The following TNS3 variants were observed in gnomAD, a reference collection of about 807,000 sequenced individuals.
The protein encoded by TNS3 is tensin 3.
Under a neutral mutation model 140.9 loss-of-function variants are expected in TNS3, and 45 were observed. The observed-to-expected ratio is 0.32, with a 90% confidence interval of 0.25 to 0.41. The LOEUF is 0.41. Among genes scored for constraint, TNS3 ranks in the 10% least tolerant of loss-of-function variants. The pLI is 1.00. For missense variants in TNS3, 1,716 were observed against 1,906.7 expected, an observed-to-expected ratio of 0.90 and a Z score of 1.86; for synonymous variants, 815 against 788.4, an observed-to-expected ratio of 1.03 and a Z score of -0.56.
In TNS3 at chr7:47,277,871, G is replaced by T; in HGVS notation, c.*205C>A. The T allele has an allele frequency of 1.5e-6, 1 of 689,036 alleles. No homozygotes were observed. The highest frequency in any genetic ancestry group is 2.6e-6 in the Non-Finnish European group (1 of 385,290). The allele number at this position is 689,036 out of a possible 1,614,324, so 42.7% of individuals were successfully genotyped here. On this transcript the variant is annotated 3_prime_UTR_variant, in exon 31 of 31. Coordinates refer to ENST00000311160, the MANE Select transcript of TNS3 (RefSeq NM_022748.12). ...AAAAAGCATGTGGCTACAGAGATGT[G>T]TCAGATAAGTCACTTTCAGGAAAGG...
intron 13 of TNS3, 72 bp downstream of exon 13, chr7:47,411,655 A>G: frequency 4.1e-6 from 6 of 1,473,926 alleles, no homozygotes; most frequent in Non-Finnish European, 5.6e-6. Context: ...TTAACACAGA[A>G]TCATGATTTC....
intron 1 of TNS3, among the ~76,000 whole-genome samples, chr7:47,577,588 A>G (rs1330724748): frequency 1.3e-5 from 2 of 152,210 alleles, no homozygotes; most frequent in African/African-American, 2.4e-5. Flanking sequence ...TCCAAGGCTC[A>G]GTATCCTCAC....
chr7:47,282,084 G>A (rs549883446), intron 28 of TNS3, among the ~76,000 whole-genome samples: 16 of 151,724 alleles, frequency 1.1e-4, no homozygotes, highest in East Asian at 1.9e-4. Flanking sequence ...ATGTAGCTCC[G>A]CTATGCCCCT....
At chr7:47,562,120 T>G (rs1800329041) in intron 1 of TNS3, among the ~76,000 whole-genome samples, 1 of 152,146 alleles carries the variant, frequency 6.6e-6, no homozygotes, top group Non-Finnish European at 1.5e-5. Context: ...TCCATTGCAG[T>G]AATGATGGCA....
chr7:47,569,369 C>G (rs577169039), intron 1 of TNS3, among the ~76,000 whole-genome samples: 1 of 151,272 alleles, frequency 6.6e-6, no homozygotes, highest in Non-Finnish European at 1.5e-5. Context: ...ATGATGAAAC[C>G]CCGTCTCTAC....
In TNS3 at chr7:47,302,998, C is replaced by A; in HGVS notation, c.3409G>T (p.Val1137Phe). ...GAAGCCTTGGAAAAGTCGGGAAGGA[C>A]ATTTGGGAAGGGGATACTGATGGTG... ...GSTISIPFPN[V>F]LPDFSKASEA... is the part of the protein sequence containing the mutation. The change falls in exon 22 of 31, where the codon GTC becomes TTC. Residue 1137 changes from valine (V) to phenylalanine (F), a missense_variant. Around this residue, in one of 3 missense-constraint regions of TNS3, gnomAD observed 1,163 missense variants for 1,182.1 expected, o/e 0.98. Transcript: ENST00000311160. 1 of 1,613,294 alleles carries A rather than the reference C, an allele frequency of 6.2e-7. No individual in the cohort carries two copies. Among genetic ancestry groups the A allele is most frequent in the Non-Finnish European group, 8.5e-7 (1 of 1,179,364 alleles).
intron 12 of TNS3, 81 bp from the exon 13 acceptor site, chr7:47,411,883 A>T: frequency 7.8e-7 from 1 of 1,285,332 alleles, no homozygotes; most frequent in Non-Finnish European, 1.1e-6. Context: ...AAGCAACCCT[A>T]CAACCCAAAA....
At chr7:47,365,404 C>T (rs1790632355) in intron 17 of TNS3, among the ~76,000 whole-genome samples, 1 of 150,348 alleles carries the variant, frequency 6.7e-6, no homozygotes, top group Non-Finnish European at 1.5e-5. Context: ...AAGATTGTGC[C>T]ACTGCACTCC....
chr7:47,310,342 C>T (rs13437785), intron 20 of TNS3, among the ~76,000 whole-genome samples: 44,448 of 151,938 alleles, frequency 0.29, 6,864 homozygotes, highest in South Asian at 0.34. Context: ...GTTCAAGATG[C>T]ACCTAGGAAG....
chr7:47,321,204 GTTT>G (rs1307713583), intron 20 of TNS3, among the ~76,000 whole-genome samples: 2 of 152,328 alleles, frequency 1.3e-5, no homozygotes, highest in East Asian at 3.9e-4. Flanking sequence ...CTCTCTTTGT[GTTT>G]TTGTTTCACT....
chr7:47,510,611 C>T (rs1020196247), intron 2 of TNS3, among the ~76,000 whole-genome samples: 9 of 152,128 alleles, frequency 5.9e-5, no homozygotes, highest in East Asian at 1.9e-4. Flanking sequence ...CGGTGGCTCA[C>T]GCCTGTAATC....
intron 23 of TNS3, among the ~76,000 whole-genome samples, chr7:47,298,465 A>G (rs1786183278): frequency 6.6e-6 from 1 of 152,240 alleles, no homozygotes; most frequent in South Asian, 2.1e-4. Flanking sequence ...TACTGCCCAG[A>G]CAAGCCAGAG....
chr7:47,422,841 T>C (rs1224252840), intron 10 of TNS3, among the ~76,000 whole-genome samples: 1 of 151,094 alleles, frequency 6.6e-6, no homozygotes, highest in Non-Finnish European at 1.5e-5. Context: ...TTGGAAACTG[T>C]TCAACAAAGA....
chr7:47,310,878 G>A (rs1584372699), intron 20 of TNS3, among the ~76,000 whole-genome samples: 1 of 152,162 alleles, frequency 6.6e-6, no homozygotes, highest in African/African-American at 2.4e-5. Context: ...CTTCATCCAT[G>A]TCCCTACAAA....
At chr7:47,324,790 A>T (rs781745856) in intron 20 of TNS3, among the ~76,000 whole-genome samples, 8 of 152,224 alleles carry the variant, frequency 5.3e-5, no homozygotes, top group Non-Finnish European at 8.8e-5. Context: ...CTCTTAATAA[A>T]AACTTTGAAA....
chr7:47,475,123 CACAA>C lies in TNS3; in HGVS notation c.-76+5976_-76+5979del, dbSNP rs1418430913. Among the ~76,000 whole-genome samples, 4 of 152,102 alleles carry C rather than the reference CACAA, an allele frequency of 2.6e-5. No individual in the cohort carries two copies. The South Asian group carries it at 8.3e-4, about 32-fold the overall frequency. On this transcript the variant is annotated intron_variant, in intron 4 of 30. Transcript: ENST00000311160. ...ACAACACACAAACACAACATACACACACAAAACACCTCACACACACCACAGACCA... is the reference window on the plus strand; with the variant it reads ...ACAACACACAAACACAACATACACACAACACCTCACACACACCACAGACCA...
intron 16 of TNS3, 85 bp from the exon 17 acceptor site, chr7:47,369,706 TA>T: frequency 7.2e-7 from 1 of 1,395,368 alleles, no homozygotes; most frequent in Non-Finnish European, 9.6e-7. Context: ...TGCATCTGTC[TA>T]AACAAATAAA....
chr7:47,402,045 G>A (rs187760741), intron 13 of TNS3, among the ~76,000 whole-genome samples: 10 of 152,270 alleles, frequency 6.6e-5, no homozygotes, highest in Non-Finnish European at 2.9e-5. Context: ...AGAAGCCACC[G>A]CAGCAGGTAT....
At position 47,428,367 on chromosome 7, in the gene TNS3, CT is replaced by C; in HGVS notation, c.333del (p.Gly112AspfsTer3). On this transcript the variant is annotated frameshift_variant, in exon 9 of 31. Transcript: ENST00000311160. LOFTEE classifies it high-confidence loss of function. The part of the protein sequence containing the change: ...HVVVIHCRGG[K>X]GRIGVVISSY... ...GATGATATGACCACTCCTATGCGTC[CT>C]TTCCCGCCCTGCAGGAGACAAAAGA... The C allele has an allele frequency of 1.4e-6, 2 of 1,440,176 alleles. No individual in the cohort carries two copies. The highest frequency in any genetic ancestry group is 1.8e-6 in the Non-Finnish European group (2 of 1,091,228). The allele number at this position is 1,440,176 out of a possible 1,614,324, so 89.2% of individuals were successfully genotyped here. A position where few individuals can be genotyped will look rare whatever the true frequency, so the allele number is the denominator to read the frequency against.
Sources: gnomAD v4.1 joint callset for allele counts (sites outside exome capture counted in the v4.1 genomes callset) on GRCh38, gnomAD v4.1.1 for gene constraint, gnomAD v4.1.1 regional missense constraint, MANE v1.5 for transcripts, NCBI Gene and HGNC (gene_info 2026-07-23, HGNC 2026-07-21) for gene names.